The following ARHGAP44 variants were observed in gnomAD, a reference collection of about 807,000 sequenced individuals.
ARHGAP44 encodes the protein rho GTPase-activating protein 44.
ARHGAP44 carries 43 observed loss-of-function variants against 106.8 expected under a neutral mutation model. The observed-to-expected ratio is 0.40, with a 90% confidence interval of 0.32 to 0.52. The LOEUF (loss-of-function observed/expected upper bound fraction) is 0.52. ARHGAP44 is among the 20% of genes least tolerant of loss of function. ARHGAP44 has a pLI of 0.48. For synonymous variants in ARHGAP44, 439 were observed against 410.3 expected, an observed-to-expected ratio of 1.07 and a Z score of -0.85; for missense variants, 866 against 1,050.5, an observed-to-expected ratio of 0.82 and a Z score of 2.43.
rs1227661827 is a variant in ARHGAP44, at chr17:12,991,097, G to A, written c.*926G>A. 3 of 152,650 alleles carry A rather than the reference G, an allele frequency of 2.0e-5. No homozygotes were observed. The highest frequency in any genetic ancestry group is 2.0e-4 in the Admixed American group (3 of 15,282). 9.5% of individuals were successfully genotyped at this position (152,650 alleles called of 1,614,324 possible). A position where few individuals can be genotyped will look rare whatever the true frequency, so the allele number is the denominator to read the frequency against. On this transcript the variant is annotated 3_prime_UTR_variant, in exon 21 of 21. Transcript: ENST00000379672. ...AGTGAAACCAGCCACGGAGACGCTGGCCCACGGGCTCGGCCTGCGGTGTGG... is the reference window on the plus strand; with the variant it reads ...AGTGAAACCAGCCACGGAGACGCTGACCCACGGGCTCGGCCTGCGGTGTGG...
intron 1 of ARHGAP44, among the ~76,000 whole-genome samples, chr17:12,815,966 C>T (rs1403804069): frequency 6.6e-6 from 1 of 152,064 alleles, no homozygotes; most frequent in Admixed American, 6.5e-5. Flanking sequence ...AGGTCAAATG[C>T]TGGGGAGACT....
chr17:12,981,826 C>T (rs1179992929), intron 19 of ARHGAP44, among the ~76,000 whole-genome samples: 1 of 150,274 alleles, frequency 6.7e-6, no homozygotes, highest in African/African-American at 2.4e-5. Flanking sequence ...GACTGGACAA[C>T]GTGGTGAAAC....
rs2038944096 is a variant in ARHGAP44, at chr17:12,949,572, C to A, written c.974-77C>A. 4.3e-6 allele frequency: 6 copies of A among 1,393,136 alleles called. No homozygotes were observed. The highest frequency in any genetic ancestry group is 4.0e-6 in the Non-Finnish European group (4 of 991,728). 86.3% of individuals were successfully genotyped at this position (1,393,136 alleles called of 1,614,324 possible). A position where few individuals can be genotyped will look rare whatever the true frequency, so the allele number is the denominator to read the frequency against. ...GAGGCCCATCCCCAGATGGAACCCA[C>A]ATAGGCAGTGCTGGCTGGTGGGTCT... On this transcript the variant is annotated intron_variant, in intron 11 of 20. Transcript: ENST00000379672. The surrounding 1 kb of genome is among the most constrained non-coding windows in gnomAD (Gnocchi z 4.1).
chr17:12,858,266 T>C (rs534750642), intron 1 of ARHGAP44, among the ~76,000 whole-genome samples: 46 of 152,276 alleles, frequency 3.0e-4, no homozygotes, highest in Middle Eastern at 3.4e-3. Context: ...TCCCTTTCTT[T>C]ACCTACCCTG....
At chr17:12,896,667 G>T (rs2037215895) in intron 3 of ARHGAP44, among the ~76,000 whole-genome samples, 156 bp downstream of exon 3, 1 of 152,162 alleles carries the variant, frequency 6.6e-6, no homozygotes, top group South Asian at 2.1e-4. Flanking sequence ...GTTTTCTGTG[G>T]GGTAATGACC....
intron 1 of ARHGAP44, among the ~76,000 whole-genome samples, chr17:12,845,517 A>AAAC (rs1555546591): frequency 7.0e-6 from 1 of 141,932 alleles, no homozygotes; most frequent in Non-Finnish European, 1.5e-5. Context: ...AAAAAAAAAA[A>AAAC]AAAAACAAAA....
At chr17:12,854,827 G>A (rs1261647887) in intron 1 of ARHGAP44, among the ~76,000 whole-genome samples, 1 of 151,916 alleles carries the variant, frequency 6.6e-6, no homozygotes, top group African/African-American at 2.4e-5. Context: ...GCGTGGTGGC[G>A]CATGCCTGTA....
intron 2 of ARHGAP44, 66 bp from the exon 3 acceptor site, chr17:12,896,341 A>T: frequency 7.4e-7 from 1 of 1,351,112 alleles, no homozygotes; most frequent in Non-Finnish European, 1.0e-6. Context: ...GATTGTCCAC[A>T]CCCACAATCC....
chr17:12,908,191 C>CTTTTTTT (rs1228178926), intron 3 of ARHGAP44, among the ~76,000 whole-genome samples: 52 of 95,532 alleles, frequency 5.4e-4, no homozygotes, highest in African/African-American at 6.5e-4. Flanking sequence ...TGCCTCATTT[C>CTTTTTTT]TTTTTTTTTT....
chr17:12,936,684 T>C (rs2038559498), intron 7 of ARHGAP44, among the ~76,000 whole-genome samples: 1 of 152,246 alleles, frequency 6.6e-6, no homozygotes, highest in Non-Finnish European at 1.5e-5. Context: ...TGACATACGT[T>C]TTCCATTCAT....
intron 1 of ARHGAP44, among the ~76,000 whole-genome samples, chr17:12,812,574 A>G (rs1469334291): frequency 6.6e-6 from 1 of 152,206 alleles, no homozygotes; most frequent in Non-Finnish European, 1.5e-5. Flanking sequence ...CACCTCCAAG[A>G]CACGCTGACA....
intron 1 of ARHGAP44, among the ~76,000 whole-genome samples, chr17:12,887,425 A>G (rs1257644053): frequency 6.6e-6 from 1 of 151,542 alleles, no homozygotes; most frequent in African/African-American, 2.4e-5. Context: ...TGTTTTTGTA[A>G]AGTTGGGGTT....
intron 3 of ARHGAP44, among the ~76,000 whole-genome samples, chr17:12,907,686 G>A (rs2037595557): frequency 6.6e-6 from 1 of 152,060 alleles, no homozygotes; most frequent in Non-Finnish European, 1.5e-5. Flanking sequence ...CCATTTTATG[G>A]ATATACCACA....
At chr17:12,832,612 A>G (rs560546851) in intron 1 of ARHGAP44, among the ~76,000 whole-genome samples, 37 of 152,292 alleles carry the variant, frequency 2.4e-4, no homozygotes, top group African/African-American at 8.2e-4. Context: ...TCAAAGTTAA[A>G]CTTTAAACTA....
intron 3 of ARHGAP44, among the ~76,000 whole-genome samples, chr17:12,899,361 A>G (rs1232210629): frequency 6.6e-6 from 1 of 152,206 alleles, no homozygotes; most frequent in Non-Finnish European, 1.5e-5. Flanking sequence ...AAATGGTCTG[A>G]AAGTCAAAGA....
intron 3 of ARHGAP44, 130 bp from the exon 4 acceptor site, chr17:12,908,767 A>G: frequency 1.4e-6 from 1 of 702,068 alleles, no homozygotes. Flanking sequence ...TCTATGTTTA[A>G]ACCTATTTTA....
intron 3 of ARHGAP44, among the ~76,000 whole-genome samples, chr17:12,904,592 C>A (rs1437681812): frequency 6.6e-6 from 1 of 151,924 alleles, no homozygotes; most frequent in African/African-American, 2.4e-5. Context: ...ATCTGTGTAA[C>A]CATTAAAATA....
At position 12,950,512 on chromosome 17, in the gene ARHGAP44, G is replaced by A. The variant is rs113576773; in HGVS notation, c.1055+782G>A. On this transcript the variant is annotated intron_variant, in intron 12 of 20. Transcript: ENST00000379672. ...ATGCATGCTCTGGCTCCCACGCATG[G>A]TTTTTGAGTCCTGGCTTATTTCCTC... 4.2e-3 allele frequency among the ~76,000 whole-genome samples: 636 copies of A among 152,302 alleles called. 28 individuals carry two copies. In the South Asian group the frequency reaches 0.1, roughly 25 times the overall value.
At chr17:12,801,595 A>C (rs2034094417) in intron 1 of ARHGAP44, among the ~76,000 whole-genome samples, 1 of 152,218 alleles carries the variant, frequency 6.6e-6, no homozygotes, top group Non-Finnish European at 1.5e-5. Context: ...GATTAAGTAA[A>C]TTCTGGTACA....
Sources: allele counts gnomAD v4.1 joint callset (sites outside exome capture counted in the v4.1 genomes callset), GRCh38; gene constraint gnomAD v4.1.1; non-coding constraint Gnocchi (gnomAD v3.1); transcripts MANE v1.5; gene names NCBI Gene and HGNC (gene_info 2026-07-23, HGNC 2026-07-21).